LBH: variants seen among roughly 807,000 people sequenced by gnomAD.
LBH encodes protein LBH.
A neutral mutation model predicts 12.5 loss-of-function variants in LBH; 7 were observed. The ratio of observed to expected loss-of-function variants is 0.56; its 90% CI spans 0.32 to 1.05. The LOEUF is 1.05. LBH is among the 50% of genes least tolerant of loss of function. LBH has a pLI of 0.04. For missense variants in LBH, 119 were observed against 138.9 expected (o/e 0.86, Z 0.72); for synonymous variants, 51 against 50.1 (o/e 1.02, Z -0.08).
At chr2:30,255,622 G>A (rs1678070683) in intron 2 of LBH, among the ~76,000 whole-genome samples, 1 of 152,134 alleles carries the variant, frequency 6.6e-6, no homozygotes, top group African/African-American at 2.4e-5. Flanking sequence ...GTGATTCCTG[G>A]AAGCCCCACG....
chr2:30,257,311 G>A, intron 2 of LBH, 122 bp from the exon 3 acceptor site: 1 of 1,067,516 alleles, frequency 9.4e-7, no homozygotes, highest in Non-Finnish European at 1.4e-6. Flanking sequence ...CCTCCCGAGT[G>A]CAAAGCACAG....
chr2:30,232,174 A>G (rs1264863866), intron 1 of LBH: 1 of 1,388,824 alleles, frequency 7.2e-7, no homozygotes, highest in Admixed American at 2.2e-5. Context: ...TGCAAGTCTC[A>G]ACGTCGAGGC....
Position 30,259,596 on chromosome 2 carries a change from G to A in LBH, c.*1975G>A, listed in dbSNP as rs1247729028. ...ACCTGTCCTGGTCTTGCTGTGTGAT[G>A]GGAACATGCTTGTAAACTGCGTAAC... On this transcript the variant is annotated 3_prime_UTR_variant, in exon 3 of 3. Coordinates refer to ENST00000395323, the MANE Select transcript of LBH (RefSeq NM_030915.4). 1 of 152,608 alleles carries A rather than the reference G, an allele frequency of 6.6e-6. No homozygotes were observed. Among genetic ancestry groups the A allele is most frequent in the African/African-American group, 2.4e-5 (1 of 41,430 alleles). 9.5% of individuals were successfully genotyped at this position (152,608 alleles called of 1,614,324 possible).
chr2:30,246,052 G>A (rs373495028), intron 2 of LBH, among the ~76,000 whole-genome samples: 8 of 151,182 alleles, frequency 5.3e-5, no homozygotes, highest in Non-Finnish European at 8.8e-5. Flanking sequence ...TCCGCCTTCC[G>A]GGTTCAAGGG....
At chr2:30,251,485 G>A (rs72787718) in intron 2 of LBH, among the ~76,000 whole-genome samples, 37,576 of 151,238 alleles carry the variant, frequency 0.25, 5,029 homozygotes, top group African/African-American at 0.31. Flanking sequence ...GGATGCCTCC[G>A]AAGAGGTGTC....
rs367954684 is a variant in LBH at position 30,238,885 on chromosome 2, CTTTTTTTT to C, written c.129+4393_129+4400del. Among the ~76,000 whole-genome samples the C allele has an allele frequency of 3.1e-5, 3 of 98,042 alleles. No homozygotes were observed. The South Asian group carries it at 1.1e-3, about 36-fold the overall frequency. The allele number at this position is 98,042 out of a possible 152,430, so 64.3% of individuals were successfully genotyped here. ...CTTCTTTCTCTCACTCCTCCCCACT[CTTTTTTTT>C]TTTTTTTTTTTTTTGAGATGAAGTC... On this transcript the variant is annotated intron_variant, in intron 2 of 2. Coordinates refer to ENST00000395323, the MANE Select transcript of LBH (RefSeq NM_030915.4).
chr2:30,240,677 A>G (rs563171659), intron 2 of LBH, among the ~76,000 whole-genome samples: 5 of 152,266 alleles, frequency 3.3e-5, no homozygotes, highest in Non-Finnish European at 5.9e-5. Context: ...AACAATTTCA[A>G]TTTGCCCAAA....
intron 2 of LBH, among the ~76,000 whole-genome samples, chr2:30,236,626 A>G (rs1338496209): frequency 2.6e-5 from 4 of 152,210 alleles, no homozygotes; most frequent in African/African-American, 9.6e-5. Flanking sequence ...ACCAAGCAAC[A>G]TTTAGGGGCA....
chr2:30,244,770 G>C (rs1677845151), intron 2 of LBH, among the ~76,000 whole-genome samples: 1 of 152,112 alleles, frequency 6.6e-6, no homozygotes, highest in Non-Finnish European at 1.5e-5. Flanking sequence ...GCCAGGCGTG[G>C]TGGTGTGCAC....
At chr2:30,243,168 T>C (rs1055594737) in intron 2 of LBH, among the ~76,000 whole-genome samples, 14 of 152,250 alleles carry the variant, frequency 9.2e-5, no homozygotes, top group African/African-American at 3.1e-4. Flanking sequence ...TAATTACTTA[T>C]TTCAAGCATG....
intron 2 of LBH, among the ~76,000 whole-genome samples, chr2:30,246,804 A>C (rs377564813): frequency 0.044 from 5,337 of 122,424 alleles, 445 homozygotes; most frequent in African/African-American, 0.17. Context: ...TTCCTCACTC[A>C]CTCCCTCCCT....
intron 2 of LBH, among the ~76,000 whole-genome samples, chr2:30,249,325 G>A (rs1677932734): frequency 6.6e-6 from 1 of 152,196 alleles, no homozygotes. Flanking sequence ...ATTTGAATTA[G>A]CTGCTGCTTG....
rs560741619 is a variant in LBH, at chr2:30,231,635, A to C, written c.-104A>C. 0.01 allele frequency: 12,212 copies of C among 1,187,898 alleles called. 103 individuals are homozygous for C. Among genetic ancestry groups the C allele is most frequent in the Middle Eastern group, 0.03 (151 of 4,986 alleles). 73.6% of individuals were successfully genotyped at this position (1,187,898 alleles called of 1,614,324 possible). On this transcript the variant is annotated 5_prime_UTR_variant, in exon 1 of 3. Coordinates refer to ENST00000395323, the MANE Select transcript of LBH (RefSeq NM_030915.4). Reference sequence around the variant, plus strand: ...CGGACGGCGAGCGCCCGGTGTCCGCACTCGGCCGCCTGCCGTGCCCGTCTG... The same window carrying C: ...CGGACGGCGAGCGCCCGGTGTCCGCCCTCGGCCGCCTGCCGTGCCCGTCTG...
At chr2:30,248,683 G>A (rs1677919666) in intron 2 of LBH, among the ~76,000 whole-genome samples, 1 of 152,182 alleles carries the variant, frequency 6.6e-6, no homozygotes, top group Non-Finnish European at 1.5e-5. Flanking sequence ...GAAGTCATCT[G>A]TGCCTGATAA....
chr2:30,237,853 G>A (rs1677715030), intron 2 of LBH, among the ~76,000 whole-genome samples: 1 of 152,190 alleles, frequency 6.6e-6, no homozygotes, highest in Non-Finnish European at 1.5e-5. Flanking sequence ...GGGTGGGTGA[G>A]TAAATGGTTG....
At chr2:30,244,414 A>G (rs558682511) in intron 2 of LBH, among the ~76,000 whole-genome samples, 3 of 152,196 alleles carry the variant, frequency 2.0e-5, no homozygotes, top group Non-Finnish European at 4.4e-5. Context: ...ACACTTTCCA[A>G]AGGACATGAT....
chr2:30,250,997 TTAAA>T (rs752592261), intron 2 of LBH, among the ~76,000 whole-genome samples: 29 of 151,390 alleles, frequency 1.9e-4, no homozygotes, highest in Non-Finnish European at 3.7e-4. Context: ...TTAATAAAAA[TTAAA>T]TAAAAAATAA....
chr2:30,246,439 CA>C (rs1677870070), intron 2 of LBH, among the ~76,000 whole-genome samples: 2 of 152,136 alleles, frequency 1.3e-5, no homozygotes, highest in South Asian at 2.1e-4. Context: ...GAACAATTTT[CA>C]AAATTTTTAC....
intron 2 of LBH, chr2:30,256,435 C>G (rs1678086716): frequency 6.6e-6 from 1 of 152,240 alleles, no homozygotes; most frequent in Non-Finnish European, 1.5e-5. Flanking sequence ...TTGGCTTTGA[C>G]TTTACAGTTG....
Sources: allele counts gnomAD v4.1 joint callset (sites outside exome capture counted in the v4.1 genomes callset), GRCh38; gene constraint gnomAD v4.1.1; transcripts MANE v1.5; gene names NCBI Gene and HGNC (gene_info 2026-07-23, HGNC 2026-07-21).